TMEM40: variants seen among roughly 807,000 people sequenced by gnomAD.
The protein encoded by TMEM40 is transmembrane protein 40.
In TMEM40, 34 loss-of-function variants were observed where a neutral mutation model predicts 40.8. That is an observed-to-expected ratio of 0.83 (90% CI 0.63 to 1.11). TMEM40 has a LOEUF of 1.11. Ranked by LOEUF, TMEM40 falls within the 50% of genes least tolerant of loss-of-function variation. The probability of loss-of-function intolerance (pLI) is 0.00; values close to 1 mark genes in which losing one functional copy is unlikely to be tolerated. For missense variants in TMEM40, 296 were observed against 280.2 expected, an observed-to-expected ratio of 1.06 and a Z score of -0.40; for synonymous variants, 106 against 107.0, an observed-to-expected ratio of 0.99 and a Z score of 0.06.
At chr3:12,759,408 C>T (rs995883480), upstream of TMEM40, 4 of 152,470 alleles carry the variant, frequency 2.6e-5, no homozygotes, top group African/African-American at 9.6e-5. Flanking sequence ...TTGACTCTTC[C>T]CTACAACACT....
intron 3 of TMEM40, among the ~76,000 whole-genome samples, chr3:12,744,437 C>A (rs1276627488): frequency 6.6e-6 from 1 of 152,188 alleles, no homozygotes; most frequent in African/African-American, 2.4e-5. Flanking sequence ...TGATGTCACA[C>A]CTCCTGTAGA....
In TMEM40 at chr3:12,749,806, C is replaced by A; in HGVS notation, c.27G>T (p.Gln9His). 6.2e-7 allele frequency: 1 copy of A among 1,614,024 alleles called. No homozygotes were observed. The highest frequency in any genetic ancestry group is 8.5e-7 in the Non-Finnish European group (1 of 1,180,018). ...TGTGGACTTGACTGTTGTCCTGAGG[C>A]TGGGAGGAGGATGCTGAAGTCTCCA... METSASSSQPQDNSQVHRE... is the reference protein window; with the variant it reads METSASSSHPQDNSQVHRE... The change falls in exon 2 of 12, where the codon CAG becomes CAT. Residue 9 changes from glutamine to histidine, a missense_variant. Transcript: ENST00000314124.
At chr3:12,763,087 G>A (rs189053264), upstream of TMEM40, among the ~76,000 whole-genome samples, 273 of 150,712 alleles carry the variant, frequency 1.8e-3, 5 homozygotes, top group East Asian at 0.01. Context: ...GTGAATCCGG[G>A]AGGCGGAGCT....
Position 12,737,763 on chromosome 3 carries a change from C to A in TMEM40, c.425-9G>T, listed in dbSNP as rs1461233339. The A allele has an allele frequency of 6.2e-7, 1 of 1,613,374 alleles. No individual in the cohort carries two copies. The highest frequency in any genetic ancestry group is 1.7e-5 in the Admixed American group (1 of 60,006). ...AGAGGCCTCCACTTCTCCTTAAGAA[C>A]AAGAGAGAGATGAATATTTAACTTT... is the stretch of plus-strand genomic sequence containing the variant. On this transcript the variant is annotated splice_polypyrimidine_tract_variant and intron_variant, in intron 7 of 11. Transcript: ENST00000314124.
At chr3:12,759,859 C>T (rs932438221), upstream of TMEM40, among the ~76,000 whole-genome samples, 9 of 152,124 alleles carry the variant, frequency 5.9e-5, no homozygotes. Flanking sequence ...CTCACACAGC[C>T]GAGGGCAGGG....
At chr3:12,736,921 C>G in intron 8 of TMEM40, 86 bp from the exon 9 acceptor site, 1 of 1,545,354 alleles carries the variant, frequency 6.5e-7, no homozygotes, top group Non-Finnish European at 8.9e-7. Flanking sequence ...CTCTGTCACC[C>G]AGGGTGGAGT....
chr3:12,736,434 G>A (rs2061337747), intron 10 of TMEM40, 144 bp downstream of exon 10: 1 of 949,790 alleles, frequency 1.1e-6, no homozygotes, highest in Non-Finnish European at 1.6e-6. Flanking sequence ...ACAGGCGTAA[G>A]CCACCGCGCC....
At chr3:12,765,093 G>C (rs2061587911) in intron 1 of TMEM40, among the ~76,000 whole-genome samples, 3 of 152,064 alleles carry the variant, frequency 2.0e-5, no homozygotes, top group Non-Finnish European at 4.4e-5. Context: ...CCGACCTCAA[G>C]TAATCCACCT....
intron 1 of TMEM40, among the ~76,000 whole-genome samples, chr3:12,755,269 T>C (rs1434134762): frequency 1.6e-5 from 2 of 123,990 alleles, no homozygotes; most frequent in African/African-American, 3.9e-5. Context: ...CTTTCTTTCT[T>C]TCTTTCTTTC....
Position 12,735,540 on chromosome 3 carries a change from G to A in TMEM40, c.682+15C>T. 6.2e-7 allele frequency: 1 copy of A among 1,611,804 alleles called. No homozygotes were observed. The highest frequency in any genetic ancestry group is 1.1e-5 in the South Asian group (1 of 90,940). Reference sequence around the variant, plus strand: ...GGGAGAAAATGAGTGAACACAGGAAGACTTTAAAAGTTACCTGTCAGCCTA... The same window carrying A: ...GGGAGAAAATGAGTGAACACAGGAAAACTTTAAAAGTTACCTGTCAGCCTA... On this transcript the variant is annotated intron_variant, in intron 11 of 11. Transcript: ENST00000314124.
intron 11 of TMEM40, 85 bp downstream of exon 11, chr3:12,735,470 T>A: frequency 7.1e-7 from 1 of 1,405,394 alleles, no homozygotes; most frequent in Non-Finnish European, 1.0e-6. Context: ...CCAGGCTGTG[T>A]TCTTTCCTGT....
intron 1 of TMEM40, chr3:12,769,183 C>G: frequency 3.0e-6 from 1 of 329,778 alleles, no homozygotes; most frequent in South Asian, 2.0e-5. Flanking sequence ...CAAGCCCACC[C>G]GGAACTGTAG....
At chr3:12,763,073 T>C (rs1157016375), upstream of TMEM40, among the ~76,000 whole-genome samples, 1 of 138,970 alleles carries the variant, frequency 7.2e-6, no homozygotes, top group Non-Finnish European at 1.5e-5. Flanking sequence ...GGAAGGAGAA[T>C]GGCGTGAATC....
chr3:12,757,546 C>T (rs1348153795), intron 1 of TMEM40, among the ~76,000 whole-genome samples: 2 of 151,978 alleles, frequency 1.3e-5, no homozygotes, highest in Non-Finnish European at 2.9e-5. Context: ...TGGGATACCC[C>T]TTCACACCCA....
intron 6 of TMEM40, 116 bp from the exon 7 acceptor site, chr3:12,738,284 G>T: frequency 1.7e-6 from 2 of 1,206,492 alleles, no homozygotes; most frequent in Non-Finnish European, 2.4e-6. Flanking sequence ...GAATTCTGCA[G>T]CCCCCACGGT....
intron 3 of TMEM40, among the ~76,000 whole-genome samples, chr3:12,747,850 G>A (rs1413309354): frequency 6.9e-6 from 1 of 143,898 alleles, no homozygotes; most frequent in Non-Finnish European, 1.5e-5. Flanking sequence ...GGCGGAGGTT[G>A]CAGTGAGCCA....
chr3:12,758,488 G>A (rs1344917555), intron 1 of TMEM40, among the ~76,000 whole-genome samples: 2 of 152,176 alleles, frequency 1.3e-5, no homozygotes, highest in African/African-American at 4.8e-5. Flanking sequence ...ACAGCCTACG[G>A]GGGTGGGTGG....
At chr3:12,745,138 C>T (rs1235944948) in intron 3 of TMEM40, among the ~76,000 whole-genome samples, 1 of 152,040 alleles carries the variant, frequency 6.6e-6, no homozygotes, top group Non-Finnish European at 1.5e-5. Flanking sequence ...CAGCTCACTG[C>T]AACCTCCACC....
At chr3:12,753,211 C>CTTTTTTTTTTTTTTTTTTT (rs56739791) in intron 1 of TMEM40, among the ~76,000 whole-genome samples, 2 of 76,306 alleles carry the variant, frequency 2.6e-5, no homozygotes, top group African/African-American at 1.1e-4. Context: ...TTCTTTCTTT[C>CTTTTTTTTTTTTTTTTTTT]TTTTTTTTTT....
Sources: allele counts gnomAD v4.1 joint callset (sites outside exome capture counted in the v4.1 genomes callset), GRCh38; gene constraint gnomAD v4.1.1; transcripts MANE v1.5; gene names NCBI Gene and HGNC (gene_info 2026-07-23, HGNC 2026-07-21).